The following PDXDC1 variants were observed in gnomAD, a reference collection of about 807,000 sequenced individuals.
PDXDC1 encodes pyridoxal-dependent decarboxylase domain-containing protein 1.
PDXDC1 carries 42 observed loss-of-function variants against 100.1 expected under a neutral mutation model. The ratio of observed to expected loss-of-function variants is 0.42; its 90% CI spans 0.33 to 0.54. The LOEUF (loss-of-function observed/expected upper bound fraction) is 0.54. Ranked by LOEUF, PDXDC1 falls within the 20% of genes least tolerant of loss-of-function variation. The probability of loss-of-function intolerance (pLI) is 0.10; values close to 1 mark genes in which losing one functional copy is unlikely to be tolerated. For missense variants in PDXDC1, 636 were observed against 979.2 expected (o/e 0.65, Z 4.68); for synonymous variants, 260 against 371.7 (o/e 0.70, Z 3.46).
At chr16:15,024,670 C>G (rs2042453515) in intron 13 of PDXDC1, among the ~76,000 whole-genome samples, 2 of 152,290 alleles carry the variant, frequency 1.3e-5, no homozygotes, top group African/African-American at 4.8e-5. Context: ...CTCAGCCTCC[C>G]AAAGTGCTGG....
chr16:15,000,322 T>C (rs1426504351), intron 3 of PDXDC1, among the ~76,000 whole-genome samples: 2 of 152,278 alleles, frequency 1.3e-5, no homozygotes, highest in African/African-American at 4.8e-5. Flanking sequence ...ACCTTCACTG[T>C]CTGAAGCCTC....
chr16:15,034,402 G>A (rs1597698095), intron 20 of PDXDC1, 24 bp downstream of exon 20: 1 of 1,613,256 alleles, frequency 6.2e-7, no homozygotes, highest in African/African-American at 1.3e-5. Flanking sequence ...TGGGCAGCAG[G>A]CTGGGGGAGC....
At chr16:15,019,855 G>T (rs1228451407) in intron 12 of PDXDC1, among the ~76,000 whole-genome samples, 1 of 152,294 alleles carries the variant, frequency 6.6e-6, no homozygotes, top group Non-Finnish European at 1.5e-5. Context: ...GCTCACGCCT[G>T]TAATTCCAGC....
intron 1 of PDXDC1, among the ~76,000 whole-genome samples, chr16:14,987,111 C>T (rs1281758089): frequency 1.3e-5 from 2 of 152,242 alleles, no homozygotes; most frequent in Non-Finnish European, 2.9e-5. Flanking sequence ...AAAAAAAATG[C>T]CCTGATCTGG....
intron 16 of PDXDC1, among the ~76,000 whole-genome samples, chr16:15,073,250 G>A (rs1368588921): frequency 6.6e-6 from 1 of 152,124 alleles, no homozygotes; most frequent in Non-Finnish European, 1.5e-5. Flanking sequence ...AGGGAGCCCG[G>A]GAGTTCAAGG....
chr16:15,068,284 T>C (rs1235626660), intron 16 of PDXDC1: 1 of 1,559,610 alleles, frequency 6.4e-7, no homozygotes, highest in Non-Finnish European at 8.6e-7. Flanking sequence ...AAACCTTTGG[T>C]TTAAAAAAAA....
At chr16:15,049,729 G>C (rs1363680801) in intron 16 of PDXDC1, among the ~76,000 whole-genome samples, 1 of 152,138 alleles carries the variant, frequency 6.6e-6, no homozygotes, top group Admixed American at 6.6e-5. Context: ...CCAGCCCCCT[G>C]TGTAATTTGT....
chr16:15,140,355 A>T (rs978118697), downstream of PDXDC1, among the ~76,000 whole-genome samples: 20 of 150,580 alleles, frequency 1.3e-4, no homozygotes, highest in African/African-American at 4.6e-4. Flanking sequence ...TAGGCAGGAG[A>T]ATCACTTGAA....
In PDXDC1 at chr16:15,091,320, T is replaced by C. The variant is rs147017773; in HGVS notation, c.1400-47559T>C. Reference sequence around the variant, plus strand: ...TCAAACACAAAATTAATTACCTTTATGTCTGGATCTAACAGCTGGTTCTTC... The same window carrying C: ...TCAAACACAAAATTAATTACCTTTACGTCTGGATCTAACAGCTGGTTCTTC... On this transcript the variant is annotated intron_variant, in intron 16 of 16. Transcript: ENST00000535621. 5.1e-5 allele frequency: 82 copies of C among 1,599,830 alleles called. No homozygotes were observed. The highest frequency in any genetic ancestry group is 6.7e-5 in the Non-Finnish European group (78 of 1,171,776).
downstream of PDXDC1, among the ~76,000 whole-genome samples, chr16:15,139,675 G>A (rs1598288977): frequency 6.6e-6 from 1 of 152,086 alleles, no homozygotes; most frequent in Non-Finnish European, 1.5e-5. Context: ...CAACTACTCG[G>A]GGGGCTGAGG....
chr16:15,085,775 C>A, intron 16 of PDXDC1: 4 of 1,584,946 alleles, frequency 2.5e-6, no homozygotes, highest in Non-Finnish European at 3.4e-6. Flanking sequence ...AAGTTACTGA[C>A]CTAGACAATG....
the PDXDC1 span, among the ~76,000 whole-genome samples, chr16:15,145,943 A>T: frequency 6.6e-6 from 1 of 152,196 alleles, no homozygotes. Flanking sequence ...CTCCCTCCAA[A>T]GTATGTTCCT....
intron 16 of PDXDC1, chr16:15,073,086 G>A (rs2045304371): frequency 3.1e-6 from 5 of 1,601,644 alleles, no homozygotes; most frequent in Non-Finnish European, 4.2e-6. Context: ...CTTACCTATG[G>A]AGAAAATCTG....
intron 16 of PDXDC1, chr16:15,061,777 T>C (rs1003144762): frequency 5.0e-6 from 8 of 1,613,904 alleles, no homozygotes; most frequent in Non-Finnish European, 6.8e-6. Context: ...ACAACACGGG[T>C]GGGGAGCCCA....
chr16:15,043,748 A>G (rs2043929494), intron 16 of PDXDC1, among the ~76,000 whole-genome samples: 1 of 152,148 alleles, frequency 6.6e-6, no homozygotes, highest in African/African-American at 2.4e-5. Flanking sequence ...GGGAGTTCAC[A>G]ACCAGCCTGG....
intron 16 of PDXDC1, chr16:15,047,306 C>T (rs1209288560): frequency 6.0e-6 from 4 of 666,570 alleles, no homozygotes; most frequent in African/African-American, 1.8e-5. Context: ...CACGTCGTGC[C>T]AGGTTCTGTT....
At chr16:14,980,895 C>T (rs1372766978) in intron 1 of PDXDC1, among the ~76,000 whole-genome samples, 3 of 152,286 alleles carry the variant, frequency 2.0e-5, no homozygotes, top group Non-Finnish European at 4.4e-5. Context: ...CCACTGCACC[C>T]GGCCTTGATT....
intron 16 of PDXDC1, among the ~76,000 whole-genome samples, chr16:15,095,965 G>C (rs958299831): frequency 4.0e-5 from 6 of 151,516 alleles, no homozygotes; most frequent in African/African-American, 1.5e-4. Context: ...TGTAGTCCCA[G>C]CTACTTGAAA....
intron 16 of PDXDC1, chr16:15,104,738 C>G (rs776236072): frequency 1.9e-6 from 3 of 1,597,146 alleles, no homozygotes; most frequent in Non-Finnish European, 2.5e-6. Flanking sequence ...AATGACGATG[C>G]TCCGCTGCCG....
Sources: allele counts gnomAD v4.1 joint callset (sites outside exome capture counted in the v4.1 genomes callset), GRCh38; gene constraint gnomAD v4.1.1; transcripts MANE v1.5; gene names NCBI Gene and HGNC (gene_info 2026-07-23, HGNC 2026-07-21).